RBFOX2: variants seen among roughly 807,000 people sequenced by gnomAD.
RBFOX2 encodes RNA binding protein fox-1 homolog 2.
A neutral mutation model predicts 49.1 loss-of-function variants in RBFOX2; 10 were observed. The ratio of observed to expected loss-of-function variants is 0.20; its 90% confidence interval spans 0.13 to 0.35. The LOEUF (loss-of-function observed/expected upper bound fraction) is 0.35, where lower values mean the gene tolerates loss of function less well. Ranked by LOEUF, RBFOX2 falls within the 10% of genes least tolerant of loss-of-function variation. The pLI, the probability that RBFOX2 is intolerant of heterozygous loss-of-function variation, is 1.00. For synonymous variants in RBFOX2, 183 were observed against 187.4 expected (o/e 0.98, Z 0.19); for missense variants, 323 against 486.9 (o/e 0.66, Z 3.17).
chr22:35,798,960 G>A (rs1198759614), intron 2 of RBFOX2, among the ~76,000 whole-genome samples: 1 of 152,140 alleles, frequency 6.6e-6, no homozygotes, highest in Non-Finnish European at 1.5e-5. Context: ...CTAAACTGAT[G>A]TATTAACTCA....
intron 1 of RBFOX2, among the ~76,000 whole-genome samples, chr22:36,025,258 T>C (rs558608845): frequency 3.9e-4 from 60 of 152,336 alleles, no homozygotes; most frequent in African/African-American, 1.3e-3. Context: ...TCTTTCTCAA[T>C]GCCTGTGCAC....
chr22:35,969,257 AT>A (rs1453685299), intron 1 of RBFOX2, among the ~76,000 whole-genome samples: 1 of 152,016 alleles, frequency 6.6e-6, no homozygotes, highest in African/African-American at 2.4e-5. Context: ...CCCAATAAAA[AT>A]TTCCATTAAT....
At chr22:36,027,559 T>C (rs548219423) in intron 1 of RBFOX2, among the ~76,000 whole-genome samples, 18 of 152,282 alleles carry the variant, frequency 1.2e-4, no homozygotes, top group Middle Eastern at 3.4e-3. Context: ...CTATTTTGTG[T>C]CCTGGTGATG....
Position 35,798,031 on chromosome 22 carries a change from A to C in RBFOX2, c.252+11749T>G, listed in dbSNP as rs139200840. On this transcript the variant is annotated intron_variant, in intron 2 of 11. Transcript: ENST00000405409. ...CCTCTTGTTGCCCAGGCTGGAGTAC[A>C]ATGGCACGATTTTGACTCACTGCAA... is the stretch of plus-strand genomic sequence containing the variant. 8.0e-3 allele frequency among the ~76,000 whole-genome samples: 1,213 copies of C among 152,224 alleles called. 13 individuals carry two copies. The highest frequency in any genetic ancestry group is 0.028 in the African/African-American group (1,168 of 41,518).
At chr22:35,897,390 T>C in intron 1 of RBFOX2, 1 of 1,055,190 alleles carries the variant, frequency 9.5e-7, no homozygotes, top group Non-Finnish European at 1.5e-6. Context: ...ACCAAGGTCT[T>C]CTAAGCTGGG....
intron 2 of RBFOX2, among the ~76,000 whole-genome samples, chr22:35,784,331 A>C (rs138223558): frequency 6.6e-6 from 1 of 152,356 alleles, no homozygotes; most frequent in African/African-American, 2.4e-5. Flanking sequence ...CCACTTCTGG[A>C]AAAGTGTAAC....
At chr22:35,944,099 G>A (rs2054003510) in intron 1 of RBFOX2, among the ~76,000 whole-genome samples, 1 of 152,344 alleles carries the variant, frequency 6.6e-6, no homozygotes, top group South Asian at 2.1e-4. Context: ...TTGAACAACT[G>A]CTTTGAGAAA....
intron 1 of RBFOX2, among the ~76,000 whole-genome samples, chr22:35,854,237 G>A (rs963408386): frequency 2.7e-5 from 4 of 149,508 alleles, no homozygotes; most frequent in East Asian, 3.9e-4. Flanking sequence ...ATAATAATAC[G>A]ACCACATTTG....
intron 1 of RBFOX2, among the ~76,000 whole-genome samples, chr22:35,894,841 G>A (rs2149397493): frequency 6.6e-6 from 1 of 152,082 alleles, no homozygotes; most frequent in East Asian, 1.9e-4. Flanking sequence ...AGATCGGGCT[G>A]CTCAAACTCA....
At chr22:35,840,134 C>G in intron 1 of RBFOX2, 2 of 1,585,886 alleles carry the variant, frequency 1.3e-6, no homozygotes, top group South Asian at 2.2e-5. Context: ...CACCCTCAAA[C>G]CTTTATTTAG....
chr22:36,006,903 T>A (rs757895945), intron 1 of RBFOX2, among the ~76,000 whole-genome samples: 19 of 152,090 alleles, frequency 1.2e-4, no homozygotes, highest in Non-Finnish European at 2.5e-4. Context: ...GTACAGACAC[T>A]CCTCTATCCA....
At chr22:35,826,330 G>A (rs1290242643) in intron 1 of RBFOX2, among the ~76,000 whole-genome samples, 6 of 90,728 alleles carry the variant, frequency 6.6e-5, no homozygotes, top group African/African-American at 9.0e-5. Context: ...CAACAAGAGC[G>A]AAACTCCATC....
At chr22:35,814,780 G>A (rs993203886) in intron 1 of RBFOX2, among the ~76,000 whole-genome samples, 2 of 150,324 alleles carry the variant, frequency 1.3e-5, no homozygotes, top group Non-Finnish European at 3.0e-5. Flanking sequence ...GTCTGGTCAG[G>A]CCAGTGGCTC....
At chr22:35,852,810 T>C (rs1324541012) in intron 1 of RBFOX2, among the ~76,000 whole-genome samples, 2 of 152,236 alleles carry the variant, frequency 1.3e-5, no homozygotes, top group Non-Finnish European at 2.9e-5. Flanking sequence ...GACTTAATTA[T>C]AGAGGAAATT....
intron 1 of RBFOX2, among the ~76,000 whole-genome samples, chr22:35,978,923 G>A (rs796422479): frequency 6.6e-6 from 1 of 152,112 alleles, no homozygotes; most frequent in East Asian, 1.9e-4. Context: ...TATCTGTTGA[G>A]GAACAGGATA....
At chr22:35,903,545 T>C (rs554522916) in intron 1 of RBFOX2, among the ~76,000 whole-genome samples, 2 of 152,188 alleles carry the variant, frequency 1.3e-5, no homozygotes, top group African/African-American at 4.8e-5. Context: ...GTTACACCCC[T>C]AGCAGAGACC....
chr22:35,766,866 G>A (rs1941122531), intron 5 of RBFOX2, among the ~76,000 whole-genome samples: 1 of 152,130 alleles, frequency 6.6e-6, no homozygotes, highest in African/African-American at 2.4e-5. Context: ...ACCAACAGCT[G>A]CGTGTAACTG....
At chr22:36,001,740 C>T (rs552233149) in intron 1 of RBFOX2, among the ~76,000 whole-genome samples, 5 of 151,542 alleles carry the variant, frequency 3.3e-5, no homozygotes, top group African/African-American at 9.7e-5. Context: ...CCAGCCTGGA[C>T]GACAGGGCAA....
intron 1 of RBFOX2, among the ~76,000 whole-genome samples, chr22:35,896,957 T>C: frequency 6.6e-6 from 1 of 152,232 alleles, no homozygotes; most frequent in Non-Finnish European, 1.5e-5. Context: ...AATCAGTTTT[T>C]ATACACAACT....
Sources: gnomAD v4.1 joint callset for allele counts (sites outside exome capture counted in the v4.1 genomes callset) on GRCh38, gnomAD v4.1.1 for gene constraint, MANE v1.5 for transcripts, NCBI Gene and HGNC (gene_info 2026-07-23, HGNC 2026-07-21) for gene names.